SMG6: variants seen among roughly 807,000 people sequenced by gnomAD.
SMG6 encodes telomerase-binding protein EST1A.
Under a neutral mutation model 142.2 loss-of-function variants are expected in SMG6, and 66 were observed. The ratio of observed to expected loss-of-function variants is 0.46; its 90% CI spans 0.38 to 0.57. The LOEUF (loss-of-function observed/expected upper bound fraction) is 0.57, where lower values mean the gene tolerates loss of function less well. Among genes scored for constraint, SMG6 ranks in the 20% least tolerant of loss-of-function variants. The probability of loss-of-function intolerance (pLI) is 0.00; values close to 1 mark genes in which losing one functional copy is unlikely to be tolerated. For synonymous variants in SMG6, 779 were observed against 702.4 expected, an observed-to-expected ratio of 1.11 and a Z score of -1.72; for missense variants, 1,793 against 1,832.0, an observed-to-expected ratio of 0.98 and a Z score of 0.39.
At chr17:2,164,993 G>A (rs908105661) in intron 13 of SMG6, among the ~76,000 whole-genome samples, 2 of 152,246 alleles carry the variant, frequency 1.3e-5, no homozygotes, top group Admixed American at 6.5e-5. Flanking sequence ...GTCACGTAAG[G>A]TAACATGTAA....
At chr17:2,158,821 G>A (rs567595016) in intron 13 of SMG6, among the ~76,000 whole-genome samples, 6 of 150,004 alleles carry the variant, frequency 4.0e-5, no homozygotes, top group African/African-American at 1.5e-4. Flanking sequence ...GGAGGCTAAG[G>A]TGGGAGGATC....
intron 13 of SMG6, among the ~76,000 whole-genome samples, chr17:2,150,705 G>A (rs1196732083): frequency 2.0e-5 from 3 of 152,130 alleles, no homozygotes; most frequent in Non-Finnish European, 4.4e-5. Flanking sequence ...TCAGGCAAAG[G>A]CAAATCACAA....
At chr17:2,286,100 T>A (rs1427200071) in intron 6 of SMG6, among the ~76,000 whole-genome samples, 1 of 152,152 alleles carries the variant, frequency 6.6e-6, no homozygotes, top group Non-Finnish European at 1.5e-5. Context: ...AAACTTATTA[T>A]ACACAGGGTT....
intron 6 of SMG6, among the ~76,000 whole-genome samples, chr17:2,291,135 T>C (rs1034820162): frequency 6.6e-6 from 1 of 152,070 alleles, no homozygotes; most frequent in Non-Finnish European, 1.5e-5. Flanking sequence ...GTCGAGACCA[T>C]CCTGGCTAAC....
At chr17:2,217,024 T>G (rs1248996518) in intron 10 of SMG6, among the ~76,000 whole-genome samples, 1 of 152,142 alleles carries the variant, frequency 6.6e-6, no homozygotes, top group Non-Finnish European at 1.5e-5. Flanking sequence ...ACACTGGCAA[T>G]CAGTGGCGAA....
At chr17:2,203,294 C>G (rs1218278510) in intron 10 of SMG6, among the ~76,000 whole-genome samples, 1 of 152,198 alleles carries the variant, frequency 6.6e-6, no homozygotes, top group East Asian at 1.9e-4. Context: ...CAATACACAT[C>G]CCCTCTTGGG....
At chr17:2,222,303 G>A (rs1178480846) in intron 10 of SMG6, among the ~76,000 whole-genome samples, 1 of 151,984 alleles carries the variant, frequency 6.6e-6, no homozygotes, top group Non-Finnish European at 1.5e-5. Context: ...GTGTTAAATA[G>A]GATGGTTGGG....
chr17:2,199,376 T>C (rs1402769282), intron 10 of SMG6, among the ~76,000 whole-genome samples: 6 of 152,030 alleles, frequency 3.9e-5, no homozygotes, highest in Admixed American at 2.0e-4. Context: ...CTCATGCTTA[T>C]AATCCCAGCA....
chr17:2,283,493 C>G (rs1188441071), intron 7 of SMG6, 132 bp downstream of exon 7: 3 of 718,370 alleles, frequency 4.2e-6, no homozygotes, highest in Admixed American at 4.2e-5. Context: ...GACACACAGA[C>G]ACTGAGCAAT....
At chr17:2,127,904 C>T (rs1228660065) in intron 13 of SMG6, 3 of 566,538 alleles carry the variant, frequency 5.3e-6, no homozygotes, top group Middle Eastern at 3.0e-4. Context: ...ACGATGTCCA[C>T]GTTGGCCTCC....
At chr17:2,127,092 T>C (rs2069916525) in intron 13 of SMG6, among the ~76,000 whole-genome samples, 1 of 136,388 alleles carries the variant, frequency 7.3e-6, no homozygotes, top group Admixed American at 8.3e-5. Flanking sequence ...TGAGCCGTAA[T>C]GGTGACACTG....
intron 13 of SMG6, among the ~76,000 whole-genome samples, chr17:2,154,432 C>T (rs1416867086): frequency 1.3e-5 from 2 of 152,288 alleles, no homozygotes; most frequent in East Asian, 3.9e-4. Flanking sequence ...ATAAAACAGA[C>T]AAAGATTTAT....
chr17:2,185,689 CAG>C (rs1050806480), intron 12 of SMG6, among the ~76,000 whole-genome samples: 2 of 151,538 alleles, frequency 1.3e-5, no homozygotes, highest in South Asian at 2.1e-4. Context: ...GGTGAGAAGA[CAG>C]GGGATGAGGG....
chr17:2,181,160 A>G (rs1390246871), intron 12 of SMG6, among the ~76,000 whole-genome samples: 1 of 152,236 alleles, frequency 6.6e-6, no homozygotes, highest in Non-Finnish European at 1.5e-5. Context: ...CAAAAGCACC[A>G]TACCTTTGCC....
intron 18 of SMG6, among the ~76,000 whole-genome samples, chr17:2,064,243 A>G (rs1294099158): frequency 6.6e-6 from 1 of 152,168 alleles, no homozygotes; most frequent in Non-Finnish European, 1.5e-5. Context: ...CAGATGACAC[A>G]GAGCTGGCAG....
intron 8 of SMG6, chr17:2,265,898 A>C: frequency 1.4e-6 from 1 of 724,862 alleles, no homozygotes; most frequent in African/African-American, 1.9e-5. Context: ...AATCTTAAAG[A>C]ATGAAATATG....
intron 8 of SMG6, among the ~76,000 whole-genome samples, chr17:2,256,533 G>A (rs958598767): frequency 1.3e-5 from 2 of 152,126 alleles, no homozygotes; most frequent in African/African-American, 2.4e-5. Flanking sequence ...AGGCTGAGGC[G>A]GGTGGATCGC....
intron 13 of SMG6, among the ~76,000 whole-genome samples, chr17:2,112,968 G>A (rs1004180219): frequency 4.6e-5 from 7 of 152,036 alleles, no homozygotes; most frequent in Middle Eastern, 6.3e-3. Flanking sequence ...ATGTTAACCA[G>A]GCTGGTCTTG....
At chr17:2,109,380 C>T (rs758453635) in intron 13 of SMG6, among the ~76,000 whole-genome samples, 3 of 152,172 alleles carry the variant, frequency 2.0e-5, no homozygotes, top group African/African-American at 2.4e-5. Context: ...TCTCGTGCCT[C>T]AGCCTCGTAA....
Sources: allele counts gnomAD v4.1 joint callset (sites outside exome capture counted in the v4.1 genomes callset), GRCh38; gene constraint gnomAD v4.1.1; transcripts MANE v1.5; gene names NCBI Gene and HGNC (gene_info 2026-07-23, HGNC 2026-07-21).